Variants in ATRNL1 observed in about 807,000 individuals in gnomAD.
ATRNL1 encodes attractin like 1, also known as attractin-like protein 1.
ATRNL1 carries 95 observed loss-of-function variants against 182.7 expected under a neutral mutation model. The ratio of observed to expected loss-of-function variants is 0.52; its 90% confidence interval spans 0.44 to 0.62. The LOEUF (loss-of-function observed/expected upper bound fraction) is 0.62, where lower values mean the gene tolerates loss of function less well. ATRNL1 is among the 20% of genes least tolerant of loss of function. The probability of loss-of-function intolerance (pLI) is 0.00; values close to 1 mark genes in which losing one functional copy is unlikely to be tolerated. For synonymous variants in ATRNL1, 576 were observed against 568.3 expected, an observed-to-expected ratio of 1.01 and a Z score of -0.19; for missense variants, 1,471 against 1,679.5, an observed-to-expected ratio of 0.88 and a Z score of 2.17.
intron 20 of ATRNL1, among the ~76,000 whole-genome samples, chr10:115,418,074 G>T (rs1198501815): frequency 6.6e-6 from 1 of 152,148 alleles, no homozygotes; most frequent in Non-Finnish European, 1.5e-5. Flanking sequence ...ACAAAATAAG[G>T]TGCCAGAGAC....
At chr10:115,922,597 T>C (rs1001934892) in intron 28 of ATRNL1, among the ~76,000 whole-genome samples, 23 of 152,092 alleles carry the variant, frequency 1.5e-4, no homozygotes, top group African/African-American at 5.3e-4. Context: ...TCCCAAAGTG[T>C]TGGGATTACA....
At chr10:115,711,246 C>T (rs1335566751) in intron 26 of ATRNL1, among the ~76,000 whole-genome samples, 1 of 152,124 alleles carries the variant, frequency 6.6e-6, no homozygotes, top group Non-Finnish European at 1.5e-5. Flanking sequence ...GATTTTGTCA[C>T]CTGCCATGGA....
intron 18 of ATRNL1, among the ~76,000 whole-genome samples, chr10:115,327,638 T>G: frequency 6.7e-6 from 1 of 150,030 alleles, no homozygotes; most frequent in African/African-American, 2.5e-5. Flanking sequence ...CATGCACACG[T>G]ATGTTTATTG....
At chr10:115,861,967 A>G (rs552072988) in intron 28 of ATRNL1, among the ~76,000 whole-genome samples, 1 of 152,258 alleles carries the variant, frequency 6.6e-6, no homozygotes, top group East Asian at 1.9e-4. Context: ...AAAAAAAATA[A>G]TGTTTCATAG....
At chr10:115,832,535 G>A (rs575552410) in intron 27 of ATRNL1, among the ~76,000 whole-genome samples, 7 of 152,226 alleles carry the variant, frequency 4.6e-5, no homozygotes, top group African/African-American at 1.4e-4. Flanking sequence ...GAACTACAAC[G>A]TATGCGTCTG....
At chr10:115,427,394 T>C (rs1845952243) in intron 21 of ATRNL1, among the ~76,000 whole-genome samples, 1 of 152,166 alleles carries the variant, frequency 6.6e-6, no homozygotes, top group Admixed American at 6.5e-5. Context: ...GCAAATATTT[T>C]TTACTAGTGG....
intron 1 of ATRNL1, among the ~76,000 whole-genome samples, chr10:115,118,997 A>T (rs58740831): frequency 6.6e-6 from 1 of 152,224 alleles, no homozygotes; most frequent in African/African-American, 2.4e-5. Flanking sequence ...GGAGTTATTA[A>T]TTATTTACTA....
chr10:115,271,360 T>C (rs1384229697), intron 13 of ATRNL1, among the ~76,000 whole-genome samples: 1 of 152,112 alleles, frequency 6.6e-6, no homozygotes, highest in Non-Finnish European at 1.5e-5. Flanking sequence ...TGTATACATG[T>C]GCCATGTTGG....
chr10:115,828,771 C>T (rs782131844), intron 27 of ATRNL1, among the ~76,000 whole-genome samples: 22 of 152,160 alleles, frequency 1.4e-4, no homozygotes, highest in Admixed American at 3.3e-4. Flanking sequence ...TGCCAAGTTT[C>T]ACCACCTCGA....
At chr10:115,370,513 G>A (rs1273909137) in intron 19 of ATRNL1, among the ~76,000 whole-genome samples, 1 of 152,228 alleles carries the variant, frequency 6.6e-6, no homozygotes, top group Non-Finnish European at 1.5e-5. Context: ...TGGAGCAGAA[G>A]TGACTCTTGT....
intron 8 of ATRNL1, among the ~76,000 whole-genome samples, chr10:115,185,534 C>A (rs1847906534): frequency 6.6e-6 from 1 of 152,090 alleles, no homozygotes; most frequent in African/African-American, 2.4e-5. Flanking sequence ...CATAAGCTTA[C>A]ACTGAGAGTA....
In ATRNL1 at chr10:115,699,165, G is replaced by C. The variant is rs1257686315; in HGVS notation, c.3796-28083G>C. ...GGAATAGCTACTTTATGGATAAAAAGATCTAGTAAAGTCATCAATTCTACT... is the reference window on the plus strand; with the variant it reads ...GGAATAGCTACTTTATGGATAAAAACATCTAGTAAAGTCATCAATTCTACT... On this transcript the variant is annotated intron_variant, in intron 26 of 28. Coordinates refer to ENST00000355044, the MANE Select transcript of ATRNL1 (RefSeq NM_207303.4). Among the ~76,000 whole-genome samples the C allele has an allele frequency of 2.0e-5, 3 of 152,162 alleles. No homozygotes were observed. In the East Asian group the frequency reaches 5.8e-4, roughly 29 times the overall value.
intron 19 of ATRNL1, among the ~76,000 whole-genome samples, chr10:115,379,711 T>C (rs78180849): frequency 0.013 from 1,907 of 152,350 alleles, 34 homozygotes; most frequent in African/African-American, 0.043. Context: ...TCCCTGCAGC[T>C]CTCTGCCTTG....
At chr10:115,816,796 G>T (rs1457895926) in intron 27 of ATRNL1, among the ~76,000 whole-genome samples, 1 of 152,054 alleles carries the variant, frequency 6.6e-6, no homozygotes. Context: ...CCTCATCACT[G>T]TGAGGAATGG....
intron 20 of ATRNL1, among the ~76,000 whole-genome samples, chr10:115,396,412 A>G (rs1844292289): frequency 6.6e-6 from 1 of 152,000 alleles, no homozygotes; most frequent in Non-Finnish European, 1.5e-5. Context: ...TCCCACACTT[A>G]CAAGGGCAGC....
At chr10:115,597,986 C>T (rs558778045) in intron 26 of ATRNL1, 1 of 160,790 alleles carries the variant, frequency 6.2e-6, no homozygotes, top group Admixed American at 6.4e-5. Flanking sequence ...TAAAAAGCTT[C>T]ACATACAAAT....
chr10:115,897,732 A>G (rs1952244159), intron 28 of ATRNL1, among the ~76,000 whole-genome samples: 1 of 152,208 alleles, frequency 6.6e-6, no homozygotes, highest in South Asian at 2.1e-4. Context: ...TTGAGAATGC[A>G]GTCCCCGGAT....
intron 26 of ATRNL1, among the ~76,000 whole-genome samples, chr10:115,672,064 C>G (rs1945713346): frequency 6.6e-6 from 1 of 151,906 alleles, no homozygotes; most frequent in African/African-American, 2.4e-5. Flanking sequence ...CTAAACAAGT[C>G]AATAATTGAA....
At chr10:115,532,952 C>G (rs1851687401) in intron 25 of ATRNL1, among the ~76,000 whole-genome samples, 1 of 150,644 alleles carries the variant, frequency 6.6e-6, no homozygotes, top group South Asian at 2.1e-4. Flanking sequence ...CCTTGCATCC[C>G]AGGGATGAAG....
Sources: allele counts gnomAD v4.1 joint callset (sites outside exome capture counted in the v4.1 genomes callset), GRCh38; gene constraint gnomAD v4.1.1; transcripts MANE v1.5; gene names NCBI Gene and HGNC (gene_info 2026-07-23, HGNC 2026-07-21).